GGCX: variants seen among roughly 807,000 people sequenced by gnomAD.
GGCX encodes gamma-glutamyl carboxylase, also known as vitamin K-dependent gamma-carboxylase.
In GGCX, 63 loss-of-function variants were observed where a neutral mutation model predicts 88.5. That is an observed-to-expected ratio of 0.71 (90% CI 0.58 to 0.88). The LOEUF is 0.88. Ranked by LOEUF, GGCX falls within the 40% of genes least tolerant of loss-of-function variation. The probability of loss-of-function intolerance (pLI) is 0.00; values close to 1 mark genes in which losing one functional copy is unlikely to be tolerated. For synonymous variants in GGCX, 368 were observed against 365.8 expected, an observed-to-expected ratio of 1.01 and a Z score of -0.07; for missense variants, 805 against 932.9, an observed-to-expected ratio of 0.86 and a Z score of 1.79.
rs1174495866 is a variant in GGCX, at chr2:85,546,258, C to T, written c.*3676G>A. On this transcript the variant is annotated 3_prime_UTR_variant, in exon 15 of 15. Coordinates refer to ENST00000233838, the MANE Select transcript of GGCX (RefSeq NM_000821.7). ...GACCATCCTGGCTAACACAGTGAAA[C>T]CCTGTCTCTACTAAAAATATAAAAA... is the stretch of plus-strand genomic sequence containing the variant. 6.6e-6 allele frequency: 1 copy of T among 152,198 alleles called. No individual in the cohort carries two copies. Among genetic ancestry groups the T allele is most frequent in the Non-Finnish European group, 1.5e-5 (1 of 68,100 alleles). 9.4% of individuals were successfully genotyped at this position (152,198 alleles called of 1,614,324 possible). A position where few individuals can be genotyped will look rare whatever the true frequency, so the allele number is the denominator to read the frequency against.
In GGCX at chr2:85,552,058, A is replaced by G; in HGVS notation, c.1440-77T>C. ...AACTTCCAGTTCTCTCCCTTTCATC[A>G]TCATTCCTAAGGACAGGGAATAGAA... On this transcript the variant is annotated intron_variant, in intron 10 of 14. Transcript: ENST00000233838. The G allele has an allele frequency of 2.8e-6, 3 of 1,076,414 alleles. 1 individual carries two copies. The highest frequency in any genetic ancestry group is 5.5e-4 in the Middle Eastern group (2 of 3,614). 66.7% of individuals were successfully genotyped at this position (1,076,414 alleles called of 1,614,324 possible). A position where few individuals can be genotyped will look rare whatever the true frequency, so the allele number is the denominator to read the frequency against.
intron 7 of GGCX, 176 bp from the exon 8 acceptor site, chr2:85,553,673 C>T (rs374245060): frequency 1.6e-5 from 10 of 627,748 alleles, no homozygotes; most frequent in South Asian, 9.6e-5. Context: ...GATCTCAGCT[C>T]ACTGCAACCT....
At chr2:85,553,789 C>CG in intron 7 of GGCX, 1 of 466,524 alleles carries the variant, frequency 2.1e-6, no homozygotes, top group East Asian at 4.4e-5. Context: ...TTAGTAGAGA[C>CG]GGGGTTTCAC....
intron 2 of GGCX, among the ~76,000 whole-genome samples, chr2:85,560,512 A>T (rs1479614382): frequency 6.6e-6 from 1 of 151,990 alleles, no homozygotes; most frequent in East Asian, 1.9e-4. Context: ...CTGAGGGAGG[A>T]GAATCGCTTT....
In GGCX at chr2:85,549,625, T is replaced by C. The variant is rs886056376; in HGVS notation, c.*309A>G. Reference sequence around the variant, plus strand: ...ATCTGCCCACCTCAGCCTCCCAAAATGCTGGGATTACAGGCGTGAGCCACG... The same window carrying C: ...ATCTGCCCACCTCAGCCTCCCAAAACGCTGGGATTACAGGCGTGAGCCACG... On this transcript the variant is annotated 3_prime_UTR_variant, in exon 15 of 15. Coordinates refer to ENST00000233838, the MANE Select transcript of GGCX (RefSeq NM_000821.7). The C allele has an allele frequency of 1.4e-5, 5 of 357,948 alleles. No individual in the cohort carries two copies. The highest frequency in any genetic ancestry group is 2.1e-5 in the African/African-American group (1 of 47,184). 22.2% of individuals were successfully genotyped at this position (357,948 alleles called of 1,614,324 possible). A position where few individuals can be genotyped will look rare whatever the true frequency, so the allele number is the denominator to read the frequency against.
In GGCX at chr2:85,544,833, G is replaced by A. The variant is rs1020750494; in HGVS notation, c.*5101C>T. 7.2e-5 allele frequency: 11 copies of A among 152,548 alleles called. No individual in the cohort carries two copies. The highest frequency in any genetic ancestry group is 2.4e-4 in the African/African-American group (10 of 41,416). The allele number at this position is 152,548 out of a possible 1,614,324, so 9.4% of individuals were successfully genotyped here. A position where few individuals can be genotyped will look rare whatever the true frequency, so the allele number is the denominator to read the frequency against. On this transcript the variant is annotated 3_prime_UTR_variant, in exon 15 of 15. Coordinates refer to ENST00000233838, the MANE Select transcript of GGCX (RefSeq NM_000821.7). ...AGAGCAGTGCTTTTGGCGGGGAGGA[G>A]GAAATCCCTTCATACTTGAACGTTT...
intron 2 of GGCX, 63 bp downstream of exon 2, chr2:85,560,752 A>G: frequency 7.4e-7 from 1 of 1,351,538 alleles, no homozygotes; most frequent in Non-Finnish European, 1.1e-6. Flanking sequence ...CTTGCAACCA[A>G]AAAATAGAGA....
At chr2:85,561,278 G>GCCCCC (rs1692444943) in intron 1 of GGCX, 108 bp downstream of exon 1, 13 of 568,468 alleles carry the variant, frequency 2.3e-5, no homozygotes, top group South Asian at 8.2e-5. Flanking sequence ...CCCCACAGAG[G>GCCCCC]ACCCCCCCCC....
intron 1 of GGCX, 107 bp downstream of exon 1, chr2:85,561,277 GGA>G: frequency 3.7e-6 from 2 of 535,590 alleles, no homozygotes; most frequent in South Asian, 2.0e-5. Flanking sequence ...TCCCCACAGA[GGA>G]CCCCCCCCCC....
Position 85,560,983 on chromosome 2 carries a change from T to C in GGCX, c.46A>G (p.Lys16Glu), listed in dbSNP as rs1265042332. The change falls in exon 2 of 15, where the codon AAA (lysine) becomes GAA (glutamate). Residue 16 changes from lysine to glutamate, a missense_variant and splice_region_variant. Physicochemically the swap from Lys to Glu is moderately conservative, Grantham distance 56. Transcript: ENST00000233838. ...GSARTSPSSD[K>E]VQKDKAELIS... ...AGTTCAGCCTTGTCTTTCTGTACTT[T>C]ATCTGCAATCAATAAATGGAGAAAA... 8 of 1,612,316 alleles carry C rather than the reference T, an allele frequency of 5.0e-6. No homozygotes were observed. In the Admixed American group the frequency reaches 5.0e-5, roughly 10 times the overall value.
At position 85,550,918 on chromosome 2, in the gene GGCX, C is replaced by A. The variant is rs1354996878; in HGVS notation, c.1888+7G>T. 6.2e-7 allele frequency: 1 copy of A among 1,613,956 alleles called. No homozygotes were observed. The highest frequency in any genetic ancestry group is 1.7e-5 in the Admixed American group (1 of 60,032). ...GGCTATCTCAGCCCAAATGTTCATACACTCACCACTTCCATTCTCCACCTT... is the reference window on the plus strand; with the variant it reads ...GGCTATCTCAGCCCAAATGTTCATAAACTCACCACTTCCATTCTCCACCTT... On this transcript the variant is annotated splice_region_variant and intron_variant, in intron 13 of 14. Coordinates refer to ENST00000233838, the MANE Select transcript of GGCX (RefSeq NM_000821.7).
rs151010862 is a variant in GGCX, at chr2:85,554,282, A to C, written c.750T>G (p.Thr250=). The C allele has an allele frequency of 3.7e-6, 6 of 1,613,960 alleles. No homozygotes were observed. The highest frequency in any genetic ancestry group is 4.2e-6 in the Non-Finnish European group (5 of 1,179,824). ...CACCCCAGTGCACGACCAGCAGGCT[A>C]GTCAGCTCCTCAGACAACAGCAGTC... ...PFKLLLSEEL[T]SLLVVHWGGL... The change falls in exon 7 of 15, where the codon ACT becomes ACG. Residue 250 remains threonine (T), a synonymous_variant. Coordinates refer to ENST00000233838, the MANE Select transcript of GGCX (RefSeq NM_000821.7).
chr2:85,560,360 G>A (rs1480913887), intron 2 of GGCX, among the ~76,000 whole-genome samples: 1 of 152,142 alleles, frequency 6.6e-6, no homozygotes, highest in East Asian at 1.9e-4. Flanking sequence ...GCCGAGGCAG[G>A]CGGATCACCT....
In GGCX at chr2:85,556,506, T is replaced by G. The variant is rs145168673; in HGVS notation, c.540-246A>C. Among the ~76,000 whole-genome samples the G allele has an allele frequency of 1.3e-4, 20 of 152,302 alleles. No homozygotes were observed. In the East Asian group the frequency reaches 3.7e-3, roughly 28 times the overall value. Reference sequence around the variant, plus strand: ...TTTCTTGTTAGCTCCCAGTTGAGTTTGTTCTAATGGATCAAATCAGGAAAA... The same window carrying G: ...TTTCTTGTTAGCTCCCAGTTGAGTTGGTTCTAATGGATCAAATCAGGAAAA... On this transcript the variant is annotated intron_variant, in intron 4 of 14. Transcript: ENST00000233838.
chr2:85,559,321 G>C (rs1248024092), intron 2 of GGCX, among the ~76,000 whole-genome samples: 4 of 152,138 alleles, frequency 2.6e-5, no homozygotes, highest in Admixed American at 6.5e-5. Flanking sequence ...ATACATCACA[G>C]GACTACAGAG....
intron 2 of GGCX, among the ~76,000 whole-genome samples, chr2:85,560,199 G>C (rs1692370050): frequency 6.6e-6 from 1 of 152,150 alleles, no homozygotes; most frequent in Non-Finnish European, 1.5e-5. Flanking sequence ...AAAAGGTATG[G>C]TCCCTGTGGC....
intron 8 of GGCX, 27 bp from the exon 9 acceptor site, chr2:85,553,097 A>G (rs1373433784): frequency 1.9e-6 from 3 of 1,614,110 alleles, no homozygotes; most frequent in Non-Finnish European, 2.5e-6. Context: ...GAGGGGAATC[A>G]GCTCAATGCT....
rs562498462 is a variant in GGCX, at chr2:85,560,757, T to C, written c.214+58A>G. On this transcript the variant is annotated intron_variant, in intron 2 of 14. Coordinates refer to ENST00000233838, the MANE Select transcript of GGCX (RefSeq NM_000821.7). The stretch of plus-strand genomic sequence containing the variant: ...GCTAAGTCTACTTGCAACCAAAAAA[T>C]AGAGATTGTCATTCTCCACTCTCAA... 7.3e-6 allele frequency: 10 copies of C among 1,364,654 alleles called. No individual in the cohort carries two copies. In the East Asian group the frequency reaches 1.4e-4, roughly 19 times the overall value. The allele number at this position is 1,364,654 out of a possible 1,614,324, so 84.5% of individuals were successfully genotyped here.
At position 85,550,560 on chromosome 2, in the gene GGCX, G is replaced by A. The variant is rs775128089; in HGVS notation, c.2079C>T (p.Arg693=). The A allele has an allele frequency of 9.9e-6, 16 of 1,612,456 alleles. No homozygotes were observed. The highest frequency in any genetic ancestry group is 5.0e-5 in the Admixed American group (3 of 60,030). ...AAATATTGTTGTGAACTTACCTGCG[G>A]CGAAAGACATAGAGCTTTCGCAACA... The part of the protein sequence containing the change: ...RFLLRKLYVF[R]RSFLMTCISL... Residue 693 remains arginine (R), a synonymous_variant, in exon 14 of 15, where the codon CGC becomes CGT. Coordinates refer to ENST00000233838, the MANE Select transcript of GGCX (RefSeq NM_000821.7).
Sources: gnomAD v4.1 joint callset for allele counts (sites outside exome capture counted in the v4.1 genomes callset) on GRCh38, gnomAD v4.1.1 for gene constraint, MANE v1.5 for transcripts, NCBI Gene and HGNC (gene_info 2026-07-23, HGNC 2026-07-21) for gene names.